KCNIP4: variants seen among roughly 807,000 people sequenced by gnomAD.
KCNIP4 encodes Kv channel-interacting protein 4.
KCNIP4 carries 12 observed loss-of-function variants against 34.0 expected under a neutral mutation model. That is an observed-to-expected ratio of 0.35 (90% CI 0.23 to 0.57). The LOEUF is 0.57. Among genes scored for constraint, KCNIP4 ranks in the 20% least tolerant of loss-of-function variants. The pLI is 0.83. For synonymous variants in KCNIP4, 124 were observed against 102.2 expected (o/e 1.21, Z -1.29); for missense variants, 238 against 311.7 (o/e 0.76, Z 1.78).
At chr4:21,496,040 A>G (rs1732822846) in intron 1 of KCNIP4, among the ~76,000 whole-genome samples, 1 of 152,206 alleles carries the variant, frequency 6.6e-6, no homozygotes, top group African/African-American at 2.4e-5. Flanking sequence ...TTGAGAACCA[A>G]TTCTGAGATA....
intron 1 of KCNIP4, among the ~76,000 whole-genome samples, chr4:21,931,047 G>A (rs539059509): frequency 6.6e-6 from 1 of 152,200 alleles, no homozygotes; most frequent in South Asian, 2.1e-4. Context: ...GTAAACCTCA[G>A]TCATGATTTG....
At chr4:20,982,164 C>T (rs574588381) in intron 1 of KCNIP4, among the ~76,000 whole-genome samples, 11 of 152,118 alleles carry the variant, frequency 7.2e-5, no homozygotes, top group Non-Finnish European at 1.3e-4. Flanking sequence ...AAGAACTGTG[C>T]GCTATCCTCA....
intron 1 of KCNIP4, among the ~76,000 whole-genome samples, chr4:21,131,777 G>T (rs540611887): frequency 6.6e-6 from 1 of 152,288 alleles, no homozygotes; most frequent in East Asian, 1.9e-4. Flanking sequence ...CTTTGGATAT[G>T]TATACTTTTC....
At chr4:21,602,956 T>A (rs1560552818) in intron 1 of KCNIP4, among the ~76,000 whole-genome samples, 1 of 152,200 alleles carries the variant, frequency 6.6e-6, no homozygotes, top group Non-Finnish European at 1.5e-5. Context: ...TTTATATACA[T>A]TCCTATAAAT....
chr4:21,633,996 G>C (rs992014697), intron 1 of KCNIP4, among the ~76,000 whole-genome samples: 16 of 152,012 alleles, frequency 1.1e-4, no homozygotes, highest in African/African-American at 3.6e-4. Context: ...TTCTAGAAAA[G>C]TTTACTGTAC....
At chr4:21,846,520 C>T (rs1258194451) in intron 1 of KCNIP4, 3 of 152,088 alleles carry the variant, frequency 2.0e-5, no homozygotes, top group Non-Finnish European at 2.9e-5. Flanking sequence ...ACATGCACGT[C>T]ATAGGATTGC....
At position 20,729,317 on chromosome 4, in the gene KCNIP4, TTGATACTAA is replaced by T. The variant is rs1275707519; in HGVS notation, c.*756_*764del. On this transcript the variant is annotated 3_prime_UTR_variant, in exon 9 of 9. Transcript: ENST00000382152. ...GCCTTCTTCAACTTCCACTTAATGA[TTGATACTAA>T]TGATTGATACAATAGAAAACAGCCT... 1 of 152,066 alleles carries T rather than the reference TTGATACTAA, an allele frequency of 6.6e-6. No individual in the cohort carries two copies. The highest frequency in any genetic ancestry group is 1.5e-5 in the Non-Finnish European group (1 of 67,960). 9.4% of individuals were successfully genotyped at this position (152,066 alleles called of 1,614,324 possible).
intron 1 of KCNIP4, among the ~76,000 whole-genome samples, chr4:21,195,000 G>A (rs1755953325): frequency 6.6e-6 from 1 of 152,166 alleles, no homozygotes; most frequent in Non-Finnish European, 1.5e-5. Flanking sequence ...CCTGACCCAT[G>A]GGTTAGATCT....
Position 21,029,639 on chromosome 4 carries a change from G to A in KCNIP4, c.62-146930C>T, listed in dbSNP as rs181129574. Among the ~76,000 whole-genome samples, 346 of 152,332 alleles carry A rather than the reference G, an allele frequency of 2.3e-3. 2 individuals are homozygous for A. The highest frequency in any genetic ancestry group is 3.6e-3 in the Non-Finnish European group (248 of 68,036). ...CCAACGACACCATTGGAGGGAAGCTGTTGAGTGCACTACCTGCCATCTGGG... is the reference window on the plus strand; with the variant it reads ...CCAACGACACCATTGGAGGGAAGCTATTGAGTGCACTACCTGCCATCTGGG... On this transcript the variant is annotated intron_variant, in intron 1 of 8. Coordinates refer to ENST00000382152, the MANE Select transcript of KCNIP4 (RefSeq NM_025221.6).
intron 3 of KCNIP4, among the ~76,000 whole-genome samples, chr4:20,818,235 TA>T (rs1389406258): frequency 6.6e-6 from 1 of 152,142 alleles, no homozygotes; most frequent in Admixed American, 6.6e-5. Context: ...ATGTTGAAAC[TA>T]AAAGGGGAGC....
At chr4:21,833,569 TTGCTG>T (rs1156262899) in intron 1 of KCNIP4, among the ~76,000 whole-genome samples, 1 of 152,198 alleles carries the variant, frequency 6.6e-6, no homozygotes, top group Non-Finnish European at 1.5e-5. Flanking sequence ...GTAGTTTGTT[TTGCTG>T]TGCAGAAGCT....
At chr4:21,631,468 C>T (rs374302024) in intron 1 of KCNIP4, among the ~76,000 whole-genome samples, 9 of 152,248 alleles carry the variant, frequency 5.9e-5, no homozygotes, top group African/African-American at 2.2e-4. Context: ...TCAATAGTAA[C>T]TTAGCAATGA....
intron 1 of KCNIP4, among the ~76,000 whole-genome samples, chr4:20,922,447 T>C (rs1222459138): frequency 6.6e-6 from 1 of 152,156 alleles, no homozygotes; most frequent in East Asian, 1.9e-4. Context: ...GTGATTACAC[T>C]ACTGGCTATC....
chr4:21,612,218 C>A (rs776881585), intron 1 of KCNIP4, among the ~76,000 whole-genome samples: 11 of 152,228 alleles, frequency 7.2e-5, no homozygotes, highest in Middle Eastern at 3.4e-3. Context: ...CAGAATACAG[C>A]ATCACTGAAA....
intron 1 of KCNIP4, among the ~76,000 whole-genome samples, chr4:20,966,377 T>C (rs562099522): frequency 6.6e-6 from 1 of 152,216 alleles, no homozygotes; most frequent in African/African-American, 2.4e-5. Flanking sequence ...CTGGGGAAAG[T>C]ACTTGATTCT....
At chr4:21,378,076 T>A (rs572657694) in intron 1 of KCNIP4, among the ~76,000 whole-genome samples, 26 of 152,264 alleles carry the variant, frequency 1.7e-4, no homozygotes, top group Non-Finnish European at 3.1e-4. Flanking sequence ...TCCCACACTT[T>A]AAATTTGCTC....
At chr4:21,700,482 A>G (rs1049245992) in intron 1 of KCNIP4, among the ~76,000 whole-genome samples, 1 of 151,876 alleles carries the variant, frequency 6.6e-6, no homozygotes, top group African/African-American at 2.4e-5. Flanking sequence ...CATATTTTGG[A>G]TATTACCCCT....
At chr4:21,664,053 C>T (rs1019854628) in intron 1 of KCNIP4, among the ~76,000 whole-genome samples, 9 of 152,132 alleles carry the variant, frequency 5.9e-5, no homozygotes, top group African/African-American at 2.2e-4. Flanking sequence ...CAAGTGCTTT[C>T]TCTTGCCTCA....
chr4:21,844,064 A>G (rs2109324620), intron 1 of KCNIP4: 1 of 151,746 alleles, frequency 6.6e-6, no homozygotes, highest in East Asian at 2.0e-4. Context: ...TCACTCACTC[A>G]CTCTACACAT....
Sources: allele counts gnomAD v4.1 joint callset (sites outside exome capture counted in the v4.1 genomes callset), GRCh38; gene constraint gnomAD v4.1.1; transcripts MANE v1.5; gene names NCBI Gene and HGNC (gene_info 2026-07-23, HGNC 2026-07-21).